Variants in AGBL1 observed in about 807,000 individuals in gnomAD.
AGBL1 encodes the protein cytosolic carboxypeptidase 4.
In AGBL1, 130 loss-of-function variants were observed where a neutral mutation model predicts 118.9. The observed-to-expected ratio is 1.09, with a 90% CI of 0.95 to 1.26. The LOEUF is 1.26. Among genes scored for constraint, AGBL1 ranks in the 50% most tolerant of loss-of-function variants. The probability of loss-of-function intolerance (pLI) is 0.00; values close to 1 mark genes in which losing one functional copy is unlikely to be tolerated. For missense variants in AGBL1, 1,584 were observed against 1,298.1 expected, an observed-to-expected ratio of 1.22 and a Z score of -3.38; for synonymous variants, 555 against 478.9, an observed-to-expected ratio of 1.16 and a Z score of -2.08.
At chr15:86,176,597 C>T (rs2077484907) in intron 5 of AGBL1, among the ~76,000 whole-genome samples, 1 of 152,146 alleles carries the variant, frequency 6.6e-6, no homozygotes. Flanking sequence ...AGCCAGCCTA[C>T]TTGGTGGACA....
intron 23 of AGBL1, among the ~76,000 whole-genome samples, chr15:86,981,183 A>C (rs1004947411): frequency 1.1e-4 from 16 of 152,152 alleles, no homozygotes; most frequent in African/African-American, 3.6e-4. Flanking sequence ...TTATAAGTAT[A>C]CTTTTGTTCA....
At chr15:86,784,456 C>T (rs902826750) in intron 22 of AGBL1, among the ~76,000 whole-genome samples, 2 of 152,108 alleles carry the variant, frequency 1.3e-5, no homozygotes, top group Non-Finnish European at 2.9e-5. Flanking sequence ...AATAAAAATC[C>T]CTGGGTAGCT....
intron 22 of AGBL1, among the ~76,000 whole-genome samples, chr15:86,776,819 T>C (rs1200425009): frequency 1.3e-5 from 2 of 151,204 alleles, no homozygotes; most frequent in African/African-American, 2.4e-5. Context: ...GGGGAATTTG[T>C]TAATAAAACA....
intron 10 of AGBL1, among the ~76,000 whole-genome samples, chr15:86,263,279 G>A (rs1238182418): frequency 6.6e-6 from 1 of 152,148 alleles, no homozygotes; most frequent in African/African-American, 2.4e-5. Flanking sequence ...ATTGCCTACA[G>A]TGTTCAGCAC....
chr15:86,536,485 A>G (rs1447718344), intron 19 of AGBL1, among the ~76,000 whole-genome samples: 2 of 151,890 alleles, frequency 1.3e-5, no homozygotes, highest in Admixed American at 6.6e-5. Context: ...TAATTTTTGT[A>G]TTTTTAGTAG....
rs950305574 is a variant in AGBL1, at chr15:86,636,717, A to C, written c.2995-37556A>C. On this transcript the variant is annotated intron_variant, in intron 21 of 22. Transcript: ENST00000614907. ...AACCACCAGTCATATATATATATAT[A>C]TATATATATATATATATATATATAT... is the stretch of plus-strand genomic sequence containing the variant. Among the ~76,000 whole-genome samples, 247 of 26,642 alleles carry C rather than the reference A, an allele frequency of 9.3e-3. 9 individuals carry two copies. Among genetic ancestry groups the C allele is most frequent in the African/African-American group, 0.039 (238 of 6,176 alleles). The allele number at this position is 26,642 out of a possible 152,430, so 17.5% of individuals were successfully genotyped here.
At chr15:86,780,995 C>T (rs1446214396) in intron 22 of AGBL1, among the ~76,000 whole-genome samples, 1 of 152,024 alleles carries the variant, frequency 6.6e-6, no homozygotes, top group South Asian at 2.1e-4. Flanking sequence ...GTTTGAATTG[C>T]TCATTTTTGA....
intron 17 of AGBL1, among the ~76,000 whole-genome samples, chr15:86,347,866 G>C (rs986524089): frequency 1.3e-5 from 2 of 152,202 alleles, no homozygotes; most frequent in Non-Finnish European, 2.9e-5. Context: ...TGCTCTATCA[G>C]CTGCCATTGT....
chr15:86,266,447 G>C lies in AGBL1; in HGVS notation c.1741G>C (p.Asp581His), dbSNP rs1258000548. 2.6e-6 allele frequency: 4 copies of C among 1,565,572 alleles called. No homozygotes were observed. The highest frequency in any genetic ancestry group is 3.5e-6 in the Non-Finnish European group (4 of 1,152,852). ...DVINKVVFSL[D>H]EPWPLQDNAS... ...TATAAATAAAGTTGTCTTCAGTTTA[G>C]ATGAGCCTTGGTAGGTAGTCTCGTG... Residue 581 changes from aspartate (D) to histidine (H), a missense_variant, in exon 12 of 23, where the codon GAT becomes CAT. By Grantham distance (81) the Asp-to-His change is moderately conservative. Transcript: ENST00000614907.
chr15:86,269,965 C>A lies in AGBL1; in HGVS notation c.1885C>A (p.His629Asn). ...LVNADVNSTQHQQWFYFKVSG... is the reference protein window; with the variant it reads ...LVNADVNSTQNQQWFYFKVSG... ...CAACGCAGATGTGAATAGCACCCAG[C>A]ACCAGCAGTGGTTCTATTTCAAAGT... Residue 629 changes from histidine (H) to asparagine (N), a missense_variant, in exon 14 of 23, where the codon CAC (histidine) becomes AAC (asparagine). Coordinates refer to ENST00000614907, the MANE Select transcript of AGBL1 (RefSeq NM_001386094.1). The A allele has an allele frequency of 6.2e-7, 1 of 1,613,948 alleles. No individual in the cohort carries two copies. The highest frequency in any genetic ancestry group is 8.5e-7 in the Non-Finnish European group (1 of 1,179,866).
chr15:86,650,953 T>C (rs919715947), intron 21 of AGBL1, among the ~76,000 whole-genome samples: 4 of 152,216 alleles, frequency 2.6e-5, no homozygotes, highest in African/African-American at 9.6e-5. Flanking sequence ...TCTTAAAAAT[T>C]CTGTAGTTAG....
intron 18 of AGBL1, among the ~76,000 whole-genome samples, chr15:86,435,538 C>G (rs929977415): frequency 6.6e-6 from 1 of 152,170 alleles, no homozygotes; most frequent in Non-Finnish European, 1.5e-5. Flanking sequence ...CCATGTGAAT[C>G]AGAAGTTCAA....
At chr15:86,323,942 C>G (rs1015576662) in intron 17 of AGBL1, among the ~76,000 whole-genome samples, 13 of 152,098 alleles carry the variant, frequency 8.5e-5, no homozygotes, top group African/African-American at 2.9e-4. Flanking sequence ...AAGTATTAAC[C>G]TGTATGTTGA....
chr15:86,798,658 A>C (rs2078607348), intron 22 of AGBL1, among the ~76,000 whole-genome samples: 1 of 150,854 alleles, frequency 6.6e-6, no homozygotes, highest in East Asian at 1.9e-4. Flanking sequence ...GGAAACTGGG[A>C]GGAAGACAAA....
At chr15:86,635,613 T>G (rs974994748) in intron 21 of AGBL1, among the ~76,000 whole-genome samples, 3 of 151,824 alleles carry the variant, frequency 2.0e-5, no homozygotes, top group African/African-American at 7.3e-5. Flanking sequence ...CAAGGAAAAG[T>G]AGGTGTGCTG....
intron 18 of AGBL1, among the ~76,000 whole-genome samples, chr15:86,475,439 G>A (rs1314720057): frequency 6.6e-6 from 1 of 152,170 alleles, no homozygotes; most frequent in Non-Finnish European, 1.5e-5. Context: ...ACAAGCTTCA[G>A]TAGGCAATTC....
chr15:86,642,657 T>G (rs1057127453), intron 21 of AGBL1, among the ~76,000 whole-genome samples: 4 of 152,108 alleles, frequency 2.6e-5, no homozygotes, highest in Admixed American at 2.6e-4. Flanking sequence ...AAACCACTTT[T>G]ACAATCTGAG....
rs375978108 is a variant in AGBL1 at position 86,324,928 on chromosome 15, G to T, written c.2374+29520G>T. ...GAGACCATGTAGCAGGAATGAGTTT[G>T]GTGTGTTTCAGGATCGGAAAGGAGG... On this transcript the variant is annotated intron_variant, in intron 17 of 22. Transcript: ENST00000614907. Among the ~76,000 whole-genome samples, 45 of 152,220 alleles carry T rather than the reference G, an allele frequency of 3.0e-4. 1 individual carries two copies. In the East Asian group the frequency reaches 4.6e-3, roughly 16 times the overall value.
At chr15:86,440,747 A>G (rs2082054280) in intron 18 of AGBL1, among the ~76,000 whole-genome samples, 2 of 152,198 alleles carry the variant, frequency 1.3e-5, no homozygotes, top group Non-Finnish European at 2.9e-5. Context: ...ATAATACTGC[A>G]GCACAAACAC....
Sources: allele counts gnomAD v4.1 joint callset (sites outside exome capture counted in the v4.1 genomes callset), GRCh38; gene constraint gnomAD v4.1.1; transcripts MANE v1.5; gene names NCBI Gene and HGNC (gene_info 2026-07-23, HGNC 2026-07-21).